The following RNASEH2B variants were observed in gnomAD, a reference collection of about 807,000 sequenced individuals.
The protein encoded by RNASEH2B is Aicardi-Goutieres syndrome 2 protein.
RNASEH2B carries 36 observed loss-of-function variants against 45.0 expected under a neutral mutation model. The observed-to-expected ratio is 0.80, with a 90% CI of 0.61 to 1.06. RNASEH2B has a LOEUF of 1.06. RNASEH2B is among the 50% of genes least tolerant of loss of function. The probability of loss-of-function intolerance (pLI) is 0.00; values close to 1 mark genes in which losing one functional copy is unlikely to be tolerated. For synonymous variants in RNASEH2B, 119 were observed against 125.7 expected, an observed-to-expected ratio of 0.95 and a Z score of 0.35; for missense variants, 361 against 360.3, an observed-to-expected ratio of 1.00 and a Z score of -0.02.
At chr13:50,914,513 C>T (rs1012350472) in intron 1 of RNASEH2B, among the ~76,000 whole-genome samples, 3 of 152,172 alleles carry the variant, frequency 2.0e-5, no homozygotes, top group Admixed American at 2.0e-4. Flanking sequence ...TCAGAGTTTT[C>T]CAGCATAGAG....
intron 1 of RNASEH2B, chr13:50,921,368 T>G (rs971206801): frequency 1.3e-5 from 2 of 152,188 alleles, no homozygotes; most frequent in Non-Finnish European, 2.9e-5. Flanking sequence ...TCACACTCCC[T>G]CTTTCTTTTC....
At chr13:50,956,244 G>A in intron 10 of RNASEH2B, 114 bp from the exon 11 acceptor site, 3 of 828,954 alleles carry the variant, frequency 3.6e-6, no homozygotes, top group South Asian at 1.6e-5. Context: ...CATGTTAGTG[G>A]GGGATGCTTA....
intron 9 of RNASEH2B, chr13:50,952,246 C>G (rs569722796): frequency 6.6e-6 from 1 of 152,318 alleles, no homozygotes; most frequent in East Asian, 1.9e-4. Flanking sequence ...AGAGAAGGAA[C>G]ACAAGCATCC....
chr13:50,960,072 G>T (rs1952095941), downstream of RNASEH2B: 2 of 562,400 alleles, frequency 3.6e-6, no homozygotes, highest in South Asian at 9.0e-5. Flanking sequence ...ATCTTCAATA[G>T]GTTCTAGACA....
At chr13:50,917,199 C>T (rs1879794516) in intron 1 of RNASEH2B, among the ~76,000 whole-genome samples, 1 of 152,110 alleles carries the variant, frequency 6.6e-6, no homozygotes, top group South Asian at 2.1e-4. Flanking sequence ...AAAGTGGGCA[C>T]TTGAGGCTAA....
intron 4 of RNASEH2B, 98 bp downstream of exon 4, chr13:50,930,857 T>C: frequency 3.3e-6 from 3 of 911,374 alleles, no homozygotes; most frequent in Non-Finnish European, 1.8e-6. Flanking sequence ...AGGTGGATTC[T>C]ACCTTCAGAT....
chr13:50,968,072 T>C (rs1450457082), intron 9 of RNASEH2B, among the ~76,000 whole-genome samples: 1 of 152,182 alleles, frequency 6.6e-6, no homozygotes, highest in Non-Finnish European at 1.5e-5. Context: ...GGTTCGTCCC[T>C]GTGTTTCATA....
At chr13:50,940,379 C>A (rs1345665303) in intron 5 of RNASEH2B, among the ~76,000 whole-genome samples, 3 of 152,192 alleles carry the variant, frequency 2.0e-5, no homozygotes, top group Non-Finnish European at 2.9e-5. Context: ...ATTGTGTGAA[C>A]ATGAACATTG....
At chr13:50,915,880 G>T (rs1879714862) in intron 1 of RNASEH2B, among the ~76,000 whole-genome samples, 1 of 152,198 alleles carries the variant, frequency 6.6e-6, no homozygotes, top group South Asian at 2.1e-4. Flanking sequence ...CGAGGGCCTA[G>T]GTCTCAACAT....
intron 9 of RNASEH2B, among the ~76,000 whole-genome samples, chr13:50,963,034 T>G (rs907489599): frequency 8.5e-5 from 13 of 152,090 alleles, no homozygotes; most frequent in Non-Finnish European, 1.8e-4. Flanking sequence ...TTTTGTTGGT[T>G]GTTTGTTTTT....
At chr13:50,930,031 A>C in intron 3 of RNASEH2B, 1 of 235,450 alleles carries the variant, frequency 4.2e-6, no homozygotes, top group Non-Finnish European at 8.4e-6. Context: ...CTGCTCCCCC[A>C]CCCCCATACA....
chr13:50,965,533 C>T (rs1390885727), intron 9 of RNASEH2B, among the ~76,000 whole-genome samples: 1 of 152,222 alleles, frequency 6.6e-6, no homozygotes, highest in African/African-American at 2.4e-5. Flanking sequence ...ATCAATCCAT[C>T]CTGGACACCC....
At position 50,968,238 on chromosome 13, in the gene RNASEH2B, A is replaced by AT. The variant is rs201420694; in HGVS notation, c.742-1694_742-1693insT. On this transcript the variant is annotated intron_variant, in intron 9 of 9. Transcript: ENST00000422660. The stretch of plus-strand genomic sequence containing the variant: ...CATAGCAAGACTGTTTCTACAAAAA[A>AT]AAAAATAAAAAATTAGCCAGGTGTG... Among the ~76,000 whole-genome samples, 108 of 152,162 alleles carry AT rather than the reference A, an allele frequency of 7.1e-4. 1 individual carries two copies. Among genetic ancestry groups the AT allele is most frequent in the African/African-American group, 2.6e-3 (106 of 41,496 alleles).
At chr13:50,916,307 G>A (rs1316411950) in intron 1 of RNASEH2B, among the ~76,000 whole-genome samples, 1 of 151,974 alleles carries the variant, frequency 6.6e-6, no homozygotes, top group South Asian at 2.1e-4. Context: ...GGAGATTGGG[G>A]TTACATAAAA....
At chr13:50,935,285 A>G in intron 5 of RNASEH2B, 1 of 426,888 alleles carries the variant, frequency 2.3e-6, no homozygotes, top group South Asian at 2.8e-5. Context: ...ACATCAGGCA[A>G]GTCACTCAGC....
At chr13:50,949,635 G>C in intron 9 of RNASEH2B, 130 bp downstream of exon 9, 1 of 805,152 alleles carries the variant, frequency 1.2e-6, no homozygotes, top group South Asian at 1.5e-5. Flanking sequence ...ATGCCATGTG[G>C]AATAAAGATT....
chr13:50,923,032 A>G (rs1951545191), intron 1 of RNASEH2B, among the ~76,000 whole-genome samples: 1 of 152,226 alleles, frequency 6.6e-6, no homozygotes, highest in Non-Finnish European at 1.5e-5. Flanking sequence ...ATAATAACAA[A>G]TGAAAAATTC....
chr13:50,931,543 T>C (rs186447224), intron 4 of RNASEH2B, among the ~76,000 whole-genome samples: 2 of 152,322 alleles, frequency 1.3e-5, no homozygotes, highest in Admixed American at 1.3e-4. Flanking sequence ...CAAATCTCTT[T>C]AGTGTTTGGC....
intron 2 of RNASEH2B, among the ~76,000 whole-genome samples, chr13:50,927,888 G>C (rs185870053): frequency 6.6e-6 from 1 of 151,608 alleles, no homozygotes; most frequent in South Asian, 2.1e-4. Context: ...AAAACAGAAG[G>C]CTTTTACTTG....
Sources: gnomAD v4.1 joint callset for allele counts (sites outside exome capture counted in the v4.1 genomes callset) on GRCh38, gnomAD v4.1.1 for gene constraint, MANE v1.5 for transcripts, NCBI Gene and HGNC (gene_info 2026-07-23, HGNC 2026-07-21) for gene names.